The following CACNA2D3 variants were observed in gnomAD, a reference collection of about 807,000 sequenced individuals.
CACNA2D3 encodes the protein calcium voltage-gated channel auxiliary subunit alpha2delta 3.
A neutral mutation model predicts 160.6 loss-of-function variants in CACNA2D3; 60 were observed. The ratio of observed to expected loss-of-function variants is 0.37; its 90% CI spans 0.30 to 0.46. CACNA2D3 has a LOEUF of 0.46. Ranked by LOEUF, CACNA2D3 falls within the 20% of genes least tolerant of loss-of-function variation. The pLI is 1.00. For synonymous variants in CACNA2D3, 558 were observed against 492.9 expected (o/e 1.13, Z -1.75); for missense variants, 1,205 against 1,365.0 (o/e 0.88, Z 1.85).
At chr3:54,344,787 C>G (rs1698426301) in intron 3 of CACNA2D3, among the ~76,000 whole-genome samples, 1 of 152,152 alleles carries the variant, frequency 6.6e-6, no homozygotes, top group African/African-American at 2.4e-5. Context: ...TAAAATAAGG[C>G]TGAAACCTAC....
At chr3:55,008,552 G>A (rs1199291690) in intron 33 of CACNA2D3, among the ~76,000 whole-genome samples, 2 of 152,140 alleles carry the variant, frequency 1.3e-5, no homozygotes, top group South Asian at 2.1e-4. Context: ...CAAATTTCAT[G>A]CCATTTGATG....
chr3:54,662,198 T>C (rs951714064), intron 11 of CACNA2D3, among the ~76,000 whole-genome samples: 2 of 152,090 alleles, frequency 1.3e-5, no homozygotes, highest in African/African-American at 4.8e-5. Context: ...GTGTTTTTTA[T>C]AGATGGATTG....
intron 4 of CACNA2D3, among the ~76,000 whole-genome samples, chr3:54,429,551 T>C (rs972788606): frequency 3.9e-5 from 6 of 152,122 alleles, no homozygotes; most frequent in African/African-American, 1.4e-4. Context: ...TTAAGAGTGG[T>C]CATAAGCTTC....
intron 2 of CACNA2D3, among the ~76,000 whole-genome samples, chr3:54,218,004 G>T (rs888552293): frequency 6.6e-6 from 1 of 151,802 alleles, no homozygotes; most frequent in Non-Finnish European, 1.5e-5. Flanking sequence ...AGGTGTTAGA[G>T]GTGTATTCGG....
chr3:54,837,461 C>T (rs1698718215), intron 15 of CACNA2D3, among the ~76,000 whole-genome samples: 1 of 152,062 alleles, frequency 6.6e-6, no homozygotes, highest in Non-Finnish European at 1.5e-5. Flanking sequence ...ATTAGAGGAC[C>T]AGAGGAGGAA....
At chr3:54,931,412 G>A (rs1291647781) in intron 27 of CACNA2D3, among the ~76,000 whole-genome samples, 1 of 152,210 alleles carries the variant, frequency 6.6e-6, no homozygotes, top group Non-Finnish European at 1.5e-5. Context: ...AACAAAGGGA[G>A]GGTGTGTGAT....
At chr3:54,713,650 A>G (rs917232243) in intron 11 of CACNA2D3, among the ~76,000 whole-genome samples, 2 of 152,224 alleles carry the variant, frequency 1.3e-5, no homozygotes, top group East Asian at 1.9e-4. Flanking sequence ...GAAAGTTCAC[A>G]CAACGTAAGT....
chr3:54,716,246 A>G (rs1177985781), intron 11 of CACNA2D3, among the ~76,000 whole-genome samples: 1 of 152,226 alleles, frequency 6.6e-6, no homozygotes, highest in Non-Finnish European at 1.5e-5. Flanking sequence ...GCATGTAAAC[A>G]GATCTCAAAC....
intron 2 of CACNA2D3, among the ~76,000 whole-genome samples, chr3:54,298,556 T>C (rs1014209845): frequency 1.3e-5 from 2 of 152,152 alleles, no homozygotes; most frequent in African/African-American, 4.8e-5. Context: ...CCCAGCATTT[T>C]GGGAGGCCGA....
chr3:54,390,268 C>A (rs1341752849), intron 4 of CACNA2D3, among the ~76,000 whole-genome samples: 1 of 152,152 alleles, frequency 6.6e-6, no homozygotes, highest in Non-Finnish European at 1.5e-5. Flanking sequence ...CAAGAGTGTT[C>A]TGATTTCCTA....
At position 54,400,437 on chromosome 3, in the gene CACNA2D3, G is replaced by A. The variant is rs1037735085; in HGVS notation, c.381+13663G>A. Among the ~76,000 whole-genome samples the A allele has an allele frequency of 3.9e-5, 6 of 152,178 alleles. No homozygotes were observed. The South Asian group carries it at 1.0e-3, about 26-fold the overall frequency. On this transcript the variant is annotated intron_variant, in intron 4 of 37. Transcript: ENST00000474759. The stretch of plus-strand genomic sequence containing the variant: ...CACCTGTTTCCTGGAACTCAGCACT[G>A]TTGCAGCTGCTTGAGGGCTGTGTCA...
intron 27 of CACNA2D3, among the ~76,000 whole-genome samples, chr3:54,947,457 G>A (rs2107005012): frequency 6.6e-6 from 1 of 152,312 alleles, no homozygotes. Context: ...TGCCAGTGCA[G>A]GATAGGACTT....
chr3:54,984,582 T>G, intron 29 of CACNA2D3, 26 bp from the exon 30 acceptor site: 1 of 1,408,732 alleles, frequency 7.1e-7, no homozygotes, highest in Non-Finnish European at 9.7e-7. Flanking sequence ...TGTTTTTTTG[T>G]TTTTGTTTTT....
At chr3:54,564,571 A>G (rs1056856910) in intron 6 of CACNA2D3, among the ~76,000 whole-genome samples, 1 of 152,162 alleles carries the variant, frequency 6.6e-6, no homozygotes, top group Non-Finnish European at 1.5e-5. Context: ...GATCATGAGC[A>G]TTTTGCGAGG....
intron 4 of CACNA2D3, among the ~76,000 whole-genome samples, chr3:54,400,047 G>C (rs1699421443): frequency 7.6e-6 from 1 of 132,238 alleles, no homozygotes; most frequent in Non-Finnish European, 1.6e-5. Context: ...TATTCGGGTG[G>C]GAGTGACCCG....
At chr3:54,605,657 C>T (rs1253802630) in intron 9 of CACNA2D3, among the ~76,000 whole-genome samples, 2 of 152,082 alleles carry the variant, frequency 1.3e-5, no homozygotes, top group Non-Finnish European at 2.9e-5. Flanking sequence ...CATTATTGCC[C>T]CCACCCACTA....
At chr3:54,433,624 A>G (rs1285259660) in intron 4 of CACNA2D3, among the ~76,000 whole-genome samples, 1 of 152,202 alleles carries the variant, frequency 6.6e-6, no homozygotes, top group Admixed American at 6.5e-5. Flanking sequence ...GAGCGTAGGA[A>G]GACTTTGAAA....
At chr3:54,720,476 A>C (rs1235663173) in intron 11 of CACNA2D3, among the ~76,000 whole-genome samples, 1 of 152,038 alleles carries the variant, frequency 6.6e-6, no homozygotes, top group African/African-American at 2.4e-5. Flanking sequence ...TATTATGTCC[A>C]TCCTTTCAAA....
intron 2 of CACNA2D3, among the ~76,000 whole-genome samples, chr3:54,167,007 A>G (rs147361865): frequency 2.2e-4 from 33 of 152,238 alleles, no homozygotes; most frequent in African/African-American, 7.2e-4. Context: ...GTCTTGTGAG[A>G]TTGTTTTAGG....
Sources: allele counts gnomAD v4.1 joint callset (sites outside exome capture counted in the v4.1 genomes callset), GRCh38; gene constraint gnomAD v4.1.1; transcripts MANE v1.5; gene names NCBI Gene and HGNC (gene_info 2026-07-23, HGNC 2026-07-21).